ANO3: variants seen among roughly 807,000 people sequenced by gnomAD.
ANO3 encodes anoctamin 3, also known as anoctamin-3.
A neutral mutation model predicts 144.8 loss-of-function variants in ANO3; 99 were observed. The ratio of observed to expected loss-of-function variants is 0.68; its 90% CI spans 0.58 to 0.81. The LOEUF is 0.81. ANO3 is among the 30% of genes least tolerant of loss of function. The pLI, the probability that ANO3 is intolerant of heterozygous loss-of-function variation, is 0.00. For synonymous variants in ANO3, 414 were observed against 392.6 expected (o/e 1.05, Z -0.64); for missense variants, 905 against 1,202.2 (o/e 0.75, Z 3.66).
chr11:26,385,608 T>A (rs963701692), intron 1 of ANO3, among the ~76,000 whole-genome samples: 2 of 152,052 alleles, frequency 1.3e-5, no homozygotes, highest in Admixed American at 6.6e-5. Flanking sequence ...CATCACCACA[T>A]CTTAGGTGAC....
chr11:26,451,816 G>A (rs912699912), intron 3 of ANO3, among the ~76,000 whole-genome samples: 3 of 152,208 alleles, frequency 2.0e-5, no homozygotes, highest in Non-Finnish European at 2.9e-5. Flanking sequence ...CCCCTGAGCA[G>A]CCTAACTGGG....
Position 26,363,829 on chromosome 11 carries a change from C to CAAA in ANO3, c.46+31517_46+31519dup, listed in dbSNP as rs11424661. Among the ~76,000 whole-genome samples the CAAA allele has an allele frequency of 2.7e-3, 392 of 147,838 alleles. 2 individuals are homozygous for CAAA. Among genetic ancestry groups the CAAA allele is most frequent in the Middle Eastern group, 6.9e-3 (2 of 288 alleles). ...TCTTCATGTTCCCTAATACATACTG[C>CAAA]AAAAAAAAAAAGAGATTAAACCAAT... On this transcript the variant is annotated intron_variant, in intron 1 of 26. Transcript: ENST00000256737.
chr11:26,414,859 T>G (rs2133990324), intron 1 of ANO3, among the ~76,000 whole-genome samples: 1 of 152,172 alleles, frequency 6.6e-6, no homozygotes, highest in African/African-American at 2.4e-5. Context: ...AAGTGTTTTT[T>G]ATCAGGATTG....
intron 18 of ANO3, 109 bp from the exon 19 acceptor site, chr11:26,634,095 A>ATTT: frequency 1.9e-6 from 1 of 517,348 alleles, no homozygotes. Context: ...AAAAAAAAAA[A>ATTT]AAATTAAATT....
intron 13 of ANO3, among the ~76,000 whole-genome samples, chr11:26,553,875 G>A (rs1850010042): frequency 1.3e-5 from 2 of 152,006 alleles, no homozygotes; most frequent in South Asian, 4.2e-4. Flanking sequence ...TGATTTCAAT[G>A]TTCCTTCAAG....
At chr11:26,569,512 G>A (rs1007939588) in intron 14 of ANO3, among the ~76,000 whole-genome samples, 8 of 151,950 alleles carry the variant, frequency 5.3e-5, no homozygotes, top group African/African-American at 1.7e-4. Context: ...AAGCAGCCAG[G>A]AATTGAAGTC....
chr11:26,525,686 G>A lies in ANO3; in HGVS notation c.737+7G>A, dbSNP rs760058159. On this transcript the variant is annotated splice_region_variant and intron_variant, in intron 7 of 26. Transcript: ENST00000256737. ...GGAGCAAATCAATGGGCAGGTTGGT[G>A]GGTGATGAATCATTTCTTTATAACA... 8 of 1,606,380 alleles carry A rather than the reference G, an allele frequency of 5.0e-6. No individual in the cohort carries two copies. In the Admixed American group the frequency reaches 1.0e-4, roughly 20 times the overall value.
intron 4 of ANO3, among the ~76,000 whole-genome samples, chr11:26,490,875 CTTG>C (rs1187256180): frequency 2.0e-5 from 3 of 152,208 alleles, no homozygotes; most frequent in Non-Finnish European, 4.4e-5. Context: ...GGCGACTCAC[CTTG>C]AACAGCGTTT....
rs1859476959 is a variant in ANO3, at chr11:26,463,128, T to C, written c.412T>C (p.Phe138Leu). 1 of 1,575,452 alleles carries C rather than the reference T, an allele frequency of 6.3e-7. No homozygotes were observed. The highest frequency in any genetic ancestry group is 1.4e-5 in the African/African-American group (1 of 73,450). ...CTTTGTTATCAAAGATAAATCTGAA[T>C]TCAAGACAAAATTATCTAAGGTAAT... ...NDFVIKDKSE[F>L]KTKLSKNDMN... is the part of the protein sequence containing the mutation. The change falls in exon 4 of 27, where the codon TTC (phenylalanine) becomes CTC (leucine). Residue 138 changes from phenylalanine (F) to leucine (L), a missense_variant. Around this residue, in one of 4 missense-constraint regions of ANO3, gnomAD observed 174 missense variants for 171.9 expected, o/e 1.01. Coordinates refer to ENST00000256737, the MANE Select transcript of ANO3 (RefSeq NM_031418.4).
chr11:26,325,233 C>T (rs750235183), intron 1 of ANO3, among the ~76,000 whole-genome samples: 21 of 152,020 alleles, frequency 1.4e-4, no homozygotes, highest in African/African-American at 2.7e-4. Flanking sequence ...TACAAAGATG[C>T]GCAGGGTATT....
At position 26,608,286 on chromosome 11, in the gene ANO3, G is replaced by A. The variant is rs545130414; in HGVS notation, c.1836+8572G>A. On this transcript the variant is annotated intron_variant, in intron 17 of 26. Transcript: ENST00000256737. ...CCTGTAGATGTCACACAAGGAGGCTGGAGAACAGAAAAGATGGGTGCCTGC... is the reference window on the plus strand; with the variant it reads ...CCTGTAGATGTCACACAAGGAGGCTAGAGAACAGAAAAGATGGGTGCCTGC... 2.0e-5 allele frequency among the ~76,000 whole-genome samples: 3 copies of A among 152,286 alleles called. No individual in the cohort carries two copies. In the South Asian group the frequency reaches 6.2e-4, roughly 32 times the overall value.
rs552481097 is a variant in ANO3 at position 26,630,726 on chromosome 11, G to A, written c.1874-3478G>A. On this transcript the variant is annotated intron_variant, in intron 18 of 26. Transcript: ENST00000256737. The stretch of plus-strand genomic sequence containing the variant: ...TAGTTTTCTTTTCTTTTATTACATT[G>A]TTGAGTAAGGAATTCTGTGGTAAAT... Among the ~76,000 whole-genome samples, 94 of 152,228 alleles carry A rather than the reference G, an allele frequency of 6.2e-4. 1 individual carries two copies. The highest frequency in any genetic ancestry group is 1.3e-3 in the Non-Finnish European group (85 of 67,986).
chr11:26,555,996 G>A (rs1247119342), intron 13 of ANO3, among the ~76,000 whole-genome samples: 1 of 152,090 alleles, frequency 6.6e-6, no homozygotes, highest in Non-Finnish European at 1.5e-5. Context: ...AAAAGGCCAT[G>A]TGTGTACATA....
chr11:26,220,391 G>A (rs189131117), intron 1 of ANO3, among the ~76,000 whole-genome samples: 1 of 152,322 alleles, frequency 6.6e-6, no homozygotes, highest in East Asian at 1.9e-4. Context: ...GATTGAAGAA[G>A]GATCACTCAC....
At chr11:26,318,587 A>G (rs1854683280) in intron 1 of ANO3, among the ~76,000 whole-genome samples, 1 of 152,228 alleles carries the variant, frequency 6.6e-6, no homozygotes, top group South Asian at 2.1e-4. Flanking sequence ...GTTCTATATA[A>G]TTAAGTGCTA....
At chr11:26,464,125 T>C (rs1859514833) in intron 4 of ANO3, among the ~76,000 whole-genome samples, 1 of 151,894 alleles carries the variant, frequency 6.6e-6, no homozygotes, top group Non-Finnish European at 1.5e-5. Flanking sequence ...TGTTAGTAAA[T>C]AAATATGGCA....
intron 4 of ANO3, among the ~76,000 whole-genome samples, chr11:26,486,997 T>G (rs909127997): frequency 2.0e-5 from 3 of 152,254 alleles, no homozygotes; most frequent in Admixed American, 6.5e-5. Context: ...GCCACTGCCC[T>G]GCAGACACTA....
intron 1 of ANO3, among the ~76,000 whole-genome samples, chr11:26,297,351 G>A (rs142897974): frequency 5.9e-5 from 9 of 151,782 alleles, no homozygotes; most frequent in South Asian, 2.1e-4. Context: ...AGTGAGTGTC[G>A]CTGTTCTAAC....
At chr11:26,375,538 G>T (rs908367662) in intron 1 of ANO3, among the ~76,000 whole-genome samples, 1 of 152,196 alleles carries the variant, frequency 6.6e-6, no homozygotes, top group Non-Finnish European at 1.5e-5. Flanking sequence ...GTGAGTTATT[G>T]TTGGCTACAA....
Sources: gnomAD v4.1 joint callset for allele counts (sites outside exome capture counted in the v4.1 genomes callset) on GRCh38, gnomAD v4.1.1 for gene constraint, gnomAD v4.1.1 regional missense constraint, MANE v1.5 for transcripts, NCBI Gene and HGNC (gene_info 2026-07-23, HGNC 2026-07-21) for gene names.